The following ZNF655 variants were observed in gnomAD, a reference collection of about 807,000 sequenced individuals.
The protein encoded by ZNF655 is zinc finger protein 655.
In ZNF655, 3 loss-of-function variants were observed where a neutral mutation model predicts 6.6. The ratio of observed to expected loss-of-function variants is 0.46; its 90% CI spans 0.21 to 1.18. The LOEUF (loss-of-function observed/expected upper bound fraction) is 1.18. Among genes scored for constraint, ZNF655 ranks in the 50% most tolerant of loss-of-function variants. The pLI, the probability that ZNF655 is intolerant of heterozygous loss-of-function variation, is 0.24. For missense variants in ZNF655, 526 were observed against 572.3 expected (o/e 0.92, Z 0.83); for synonymous variants, 178 against 195.0 (o/e 0.91, Z 0.73).
rs1350894315 is a variant in ZNF655 at position 99,560,598 on chromosome 7, A to G, written c.39A>G (p.Pro13=). 1.2e-6 allele frequency: 2 copies of G among 1,614,188 alleles called. No individual in the cohort carries two copies. Among genetic ancestry groups the G allele is most frequent in the East Asian group, 4.5e-5 (2 of 44,884 alleles). ...EIPAQEAAGS[P]RVQFQSLETQ... is the part of the protein sequence containing the mutation. ...CAGCCCAGGAAGCAGCAGGGTCACC[A>G]AGGGTCCAGTTTCAGTCTTTGGAGA... The change falls in exon 2 of 3, where the codon CCA becomes CCG. Residue 13 remains proline, a synonymous_variant. Coordinates refer to ENST00000252713, the MANE Select transcript of ZNF655 (RefSeq NM_138494.3).
chr7:99,573,645 A>C lies in ZNF655; in HGVS notation c.*61A>C. The C allele has an allele frequency of 6.5e-7, 1 of 1,544,022 alleles. No individual in the cohort carries two copies. Among genetic ancestry groups the C allele is most frequent in the South Asian group, 1.2e-5 (1 of 80,694 alleles). The stretch of plus-strand genomic sequence containing the variant: ...GGCTTCATTCAGCATCTGAGAGTTC[A>C]CACCAGGGAGAAATCATGTATGTAC... On this transcript the variant is annotated 3_prime_UTR_variant, in exon 3 of 3. Transcript: ENST00000252713.
intron 2 of ZNF655, among the ~76,000 whole-genome samples, chr7:99,565,116 C>T (rs773438443): frequency 6.6e-6 from 1 of 152,062 alleles, no homozygotes; most frequent in Non-Finnish European, 1.5e-5. Flanking sequence ...TTGCAACCTC[C>T]AGCATAACTG....
At chr7:99,571,588 A>C in intron 2 of ZNF655, 1 of 1,059,330 alleles carries the variant, frequency 9.4e-7, no homozygotes, top group Non-Finnish European at 1.3e-6. Flanking sequence ...TCTTCTCAGA[A>C]TCGACCTTCT....
chr7:99,561,933 C>T, intron 2 of ZNF655: 1 of 1,597,774 alleles, frequency 6.3e-7, no homozygotes, highest in Non-Finnish European at 8.5e-7. Flanking sequence ...GAGGGAAGCC[C>T]AGGAGACCAG....
intron 2 of ZNF655, among the ~76,000 whole-genome samples, chr7:99,568,012 T>G (rs1803761570): frequency 7.0e-6 from 1 of 142,382 alleles, no homozygotes; most frequent in Non-Finnish European, 1.5e-5. Context: ...TGAGCCAAGA[T>G]CATGCCATTG....
At chr7:99,559,005 C>T (rs1452546413) in intron 1 of ZNF655, 1 of 152,414 alleles carries the variant, frequency 6.6e-6, no homozygotes, top group Admixed American at 6.5e-5. Context: ...CGACCGTGCC[C>T]TGGTGCGAGC....
chr7:99,564,103 A>C, intron 2 of ZNF655: 1 of 1,547,110 alleles, frequency 6.5e-7, no homozygotes. Context: ...CCAGGATGCC[A>C]CCACTGTGTA....
intron 2 of ZNF655, among the ~76,000 whole-genome samples, chr7:99,569,232 G>A (rs1402184151): frequency 6.6e-6 from 1 of 152,062 alleles, no homozygotes; most frequent in African/African-American, 2.4e-5. Context: ...GAAAACTCAA[G>A]ATTTAAATAA....
rs2151168562 is a variant in ZNF655 at position 99,571,630 on chromosome 7, T to G, written c.137-615T>G. On this transcript the variant is annotated intron_variant, in intron 2 of 2. Transcript: ENST00000252713. The stretch of plus-strand genomic sequence containing the variant: ...CTTAATCATTAGTTAAAAGAAAAAG[T>G]GGCAGATGTAGGACCTGGGGATACA... 6.9e-6 allele frequency: 9 copies of G among 1,303,428 alleles called. 1 individual carries two copies. The Middle Eastern group carries it at 9.4e-4, about 136-fold the overall frequency. 80.7% of individuals were successfully genotyped at this position (1,303,428 alleles called of 1,614,324 possible).
chr7:99,572,731 C>G lies in ZNF655; in HGVS notation c.623C>G (p.Thr208Ser). The G allele has an allele frequency of 1.9e-6, 3 of 1,613,148 alleles. No homozygotes were observed. The highest frequency in any genetic ancestry group is 2.5e-6 in the Non-Finnish European group (3 of 1,179,938). The change falls in exon 3 of 3, where the codon ACT becomes AGT. Residue 208 changes from threonine (T) to serine (S), a missense_variant. Coordinates refer to ENST00000252713, the MANE Select transcript of ZNF655 (RefSeq NM_138494.3). Reference sequence around the variant, plus strand: ...AATAAATGGGAGAGCATCCCTAACACTGAGAAATCCTATAAATGTGATGTA... The same window carrying G: ...AATAAATGGGAGAGCATCCCTAACAGTGAGAAATCCTATAAATGTGATGTA... ...HLNKWESIPNTEKSYKCDVCG... is the reference protein window; with the variant it reads ...HLNKWESIPNSEKSYKCDVCG...
At chr7:99,561,762 G>A (rs1364101965) in intron 2 of ZNF655, 1 of 454,566 alleles carries the variant, frequency 2.2e-6, no homozygotes, top group African/African-American at 2.0e-5. Flanking sequence ...CCTGAAAAAT[G>A]TTCATTGGTT....
chr7:99,564,032 C>T (rs1803438019), intron 2 of ZNF655: 3 of 1,609,044 alleles, frequency 1.9e-6, no homozygotes, highest in South Asian at 2.2e-5. Context: ...CTCGTCCCTG[C>T]TCGGAAACTC....
chr7:99,563,889 C>T (rs776026660), intron 2 of ZNF655: 20 of 1,612,412 alleles, frequency 1.2e-5, no homozygotes, highest in Admixed American at 6.7e-5. Flanking sequence ...TCCCACCACC[C>T]GGATTCATAG....
intron 2 of ZNF655, chr7:99,562,358 G>C: frequency 1.9e-6 from 3 of 1,613,914 alleles, no homozygotes; most frequent in Non-Finnish European, 2.5e-6. Flanking sequence ...GCCAGGATGT[G>C]TTATTTCAGG....
intron 2 of ZNF655, among the ~76,000 whole-genome samples, chr7:99,565,857 T>G (rs985120964): frequency 6.6e-6 from 1 of 152,192 alleles, no homozygotes; most frequent in African/African-American, 2.4e-5. Context: ...CTTTTTTAAC[T>G]TGATGTCATG....
chr7:99,573,046 G>T lies in ZNF655; in HGVS notation c.938G>T (p.Ser313Ile), dbSNP rs1257482620. The change falls in exon 3 of 3, where the codon AGT (serine) becomes ATT (isoleucine). Residue 313 changes from serine (S) to isoleucine (I), a missense_variant. Ser to Ile is a moderately radical substitution (Grantham distance 142). Transcript: ENST00000252713. ...TGTAGCAGTTGTGAAAGAGTCTTCA[G>T]TCGTAGTGTCCACCTTACTCAACAT... is the stretch of plus-strand genomic sequence containing the variant. ...YKCSSCERVF[S>I]RSVHLTQHQK... is the part of the protein sequence containing the mutation. 2.5e-6 allele frequency: 4 copies of T among 1,614,048 alleles called. No homozygotes were observed. The East Asian group carries it at 6.7e-5, about 27-fold the overall frequency.
rs1804372138 is a variant in ZNF655 at position 99,576,006 on chromosome 7, T to C, written c.*2422T>C. 6.6e-6 allele frequency: 1 copy of C among 152,234 alleles called. No individual in the cohort carries two copies. Among genetic ancestry groups the C allele is most frequent in the African/African-American group, 2.4e-5 (1 of 41,448 alleles). The allele number at this position is 152,234 out of a possible 1,614,324, so 9.4% of individuals were successfully genotyped here. On this transcript the variant is annotated 3_prime_UTR_variant, in exon 3 of 3. Transcript: ENST00000252713. ...AACATTTTGTGAGTAAGACAAATGT[T>C]ATTTAAAATTCTTGTTGTCAGTCCA... is the stretch of plus-strand genomic sequence containing the variant.
chr7:99,567,064 C>T (rs1227813203), intron 2 of ZNF655, among the ~76,000 whole-genome samples: 1 of 152,108 alleles, frequency 6.6e-6, no homozygotes, highest in African/African-American at 2.4e-5. Flanking sequence ...GGACTACAGG[C>T]ATGCACCACC....
In ZNF655 at chr7:99,572,855, C is replaced by A. The variant is rs1223344058; in HGVS notation, c.747C>A (p.Phe249Leu). 1.9e-5 allele frequency: 30 copies of A among 1,613,958 alleles called. No homozygotes were observed. The highest frequency in any genetic ancestry group is 2.3e-5 in the Non-Finnish European group (27 of 1,179,974). Residue 249 changes from phenylalanine (F) to leucine (L), a missense_variant, in exon 3 of 3, where the codon TTC (phenylalanine) becomes TTA (leucine). Transcript: ENST00000252713. The part of the protein sequence containing the change: ...PYKCKECEKS[F>L]SQSSSLSRHK... Reference sequence around the variant, plus strand: ...AATGTAAAGAATGTGAAAAGTCTTTCAGTCAGAGCTCAAGTCTTAGTCGAC... The same window carrying A: ...AATGTAAAGAATGTGAAAAGTCTTTAAGTCAGAGCTCAAGTCTTAGTCGAC...
Sources: gnomAD v4.1 joint callset for allele counts (sites outside exome capture counted in the v4.1 genomes callset) on GRCh38, gnomAD v4.1.1 for gene constraint, MANE v1.5 for transcripts, NCBI Gene and HGNC (gene_info 2026-07-23, HGNC 2026-07-21) for gene names.